Variants in BTBD9 observed in about 807,000 individuals in gnomAD.
The protein encoded by BTBD9 is BTB domain containing 9.
BTBD9 carries 49 observed loss-of-function variants against 64.3 expected under a neutral mutation model. The ratio of observed to expected loss-of-function variants is 0.76; its 90% CI spans 0.61 to 0.97. The LOEUF is 0.97. Ranked by LOEUF, BTBD9 falls within the 50% of genes least tolerant of loss-of-function variation. The pLI is 0.00. For missense variants in BTBD9, 598 were observed against 762.1 expected (o/e 0.78, Z 2.53); for synonymous variants, 260 against 274.7 (o/e 0.95, Z 0.53).
chr6:38,405,803 G>A (rs1312231211), intron 6 of BTBD9, among the ~76,000 whole-genome samples: 1 of 152,148 alleles, frequency 6.6e-6, no homozygotes, highest in Non-Finnish European at 1.5e-5. Flanking sequence ...CATACTGATC[G>A]CAGATCTTCT....
At chr6:38,609,881 G>A (rs537173227) in intron 1 of BTBD9, among the ~76,000 whole-genome samples, 2 of 152,254 alleles carry the variant, frequency 1.3e-5, no homozygotes, top group Admixed American at 6.5e-5. Flanking sequence ...CTCAGCTAAA[G>A]CACCAACTTG....
chr6:38,179,732 A>C, intron 10 of BTBD9: 1 of 456,748 alleles, frequency 2.2e-6, no homozygotes, highest in Non-Finnish European at 4.4e-6. Context: ...CTGTATCAAC[A>C]TACCTGCCTC....
intron 6 of BTBD9, among the ~76,000 whole-genome samples, chr6:38,410,493 A>G (rs1006104603): frequency 1.3e-5 from 2 of 152,218 alleles, no homozygotes; most frequent in African/African-American, 4.8e-5. Flanking sequence ...AACAAAAAAA[A>G]GAATAAAAAA....
At chr6:38,320,355 C>T (rs1307544394) in intron 7 of BTBD9, among the ~76,000 whole-genome samples, 3 of 152,172 alleles carry the variant, frequency 2.0e-5, no homozygotes, top group Non-Finnish European at 4.4e-5. Flanking sequence ...ACTCTGCCTC[C>T]TTCTCAATAC....
intron 7 of BTBD9, among the ~76,000 whole-genome samples, chr6:38,297,077 A>T (rs12215850): frequency 0.33 from 49,735 of 152,086 alleles, 9,548 homozygotes; most frequent in Non-Finnish European, 0.45. Flanking sequence ...GTTTGTTAAA[A>T]TCTCCTGCGG....
At chr6:38,397,888 G>A (rs572106516) in intron 6 of BTBD9, among the ~76,000 whole-genome samples, 57 of 152,310 alleles carry the variant, frequency 3.7e-4, no homozygotes, top group African/African-American at 1.3e-3. Flanking sequence ...TGGAGGAAAC[G>A]TCAAGTGCAA....
At chr6:38,485,304 C>T (rs1477895189) in intron 6 of BTBD9, among the ~76,000 whole-genome samples, 1 of 152,162 alleles carries the variant, frequency 6.6e-6, no homozygotes, top group African/African-American at 2.4e-5. Flanking sequence ...TCTTAATGGC[C>T]TCTAAATGGT....
chr6:38,308,317 T>C (rs1005668707), intron 7 of BTBD9, among the ~76,000 whole-genome samples: 5 of 152,246 alleles, frequency 3.3e-5, no homozygotes, highest in Non-Finnish European at 5.9e-5. Context: ...CTCTATTTTT[T>C]TCTTTCCTCC....
At chr6:38,382,883 T>C (rs576259771) in intron 6 of BTBD9, among the ~76,000 whole-genome samples, 2 of 152,296 alleles carry the variant, frequency 1.3e-5, no homozygotes, top group South Asian at 4.1e-4. Context: ...TGTGGTGCTA[T>C]AAACATTAAG....
chr6:38,393,997 T>C (rs569429356), intron 6 of BTBD9, among the ~76,000 whole-genome samples: 1 of 152,288 alleles, frequency 6.6e-6, no homozygotes, highest in East Asian at 1.9e-4. Flanking sequence ...CAGAGTCTAG[T>C]AGAAAAGACA....
intron 6 of BTBD9, among the ~76,000 whole-genome samples, chr6:38,435,659 T>TTC (rs1236282635): frequency 8.7e-5 from 6 of 68,862 alleles, no homozygotes; most frequent in South Asian, 6.0e-4. Context: ...CTTCCTTCCT[T>TTC]TCTCTCTCTC....
chr6:38,433,811 TC>T (rs1768571089), intron 6 of BTBD9, among the ~76,000 whole-genome samples: 1 of 151,960 alleles, frequency 6.6e-6, no homozygotes, highest in Non-Finnish European at 1.5e-5. Flanking sequence ...TTTATTGTCT[TC>T]CCTTCCTCCA....
chr6:38,217,863 C>T (rs79914672), intron 9 of BTBD9, among the ~76,000 whole-genome samples: 1 of 152,052 alleles, frequency 6.6e-6, no homozygotes, highest in Admixed American at 6.6e-5. Context: ...GAGGCAGAGG[C>T]TGGCAGAGGC....
At chr6:38,261,539 G>A (rs1278344796) in intron 8 of BTBD9, among the ~76,000 whole-genome samples, 2 of 152,174 alleles carry the variant, frequency 1.3e-5, no homozygotes, top group East Asian at 3.9e-4. Context: ...AACTTATTGA[G>A]CTTGAACATT....
intron 6 of BTBD9, among the ~76,000 whole-genome samples, chr6:38,358,430 G>T (rs1317105779): frequency 6.6e-6 from 1 of 152,160 alleles, no homozygotes; most frequent in African/African-American, 2.4e-5. Flanking sequence ...CAGAGCTACG[G>T]GAATAGAGTG....
intron 1 of BTBD9, 39 bp from the exon 2 acceptor site, chr6:38,598,160 G>A (rs912381596): frequency 1.3e-4 from 185 of 1,461,772 alleles, no homozygotes; most frequent in Non-Finnish European, 1.6e-4. Flanking sequence ...GTTGGGGGAG[G>A]GGAGTACACA....
chr6:38,387,367 T>C (rs1766221806), intron 6 of BTBD9, among the ~76,000 whole-genome samples: 1 of 152,042 alleles, frequency 6.6e-6, no homozygotes, highest in Admixed American at 6.5e-5. Flanking sequence ...TGAAACCCCG[T>C]CTCTACTAAA....
chr6:38,241,674 A>T (rs1763996466), intron 9 of BTBD9, among the ~76,000 whole-genome samples: 1 of 152,242 alleles, frequency 6.6e-6, no homozygotes, highest in Non-Finnish European at 1.5e-5. Context: ...ACTGATACTC[A>T]GTACATAATT....
intron 6 of BTBD9, among the ~76,000 whole-genome samples, chr6:38,408,208 A>G (rs1161850172): frequency 6.6e-6 from 1 of 152,074 alleles, no homozygotes. Context: ...AAATAGAAAA[A>G]TTAGTTAGGT....
Sources: gnomAD v4.1 joint callset for allele counts (sites outside exome capture counted in the v4.1 genomes callset) on GRCh38, gnomAD v4.1.1 for gene constraint, MANE v1.5 for transcripts, NCBI Gene and HGNC (gene_info 2026-07-23, HGNC 2026-07-21) for gene names.